Variants in ZBTB20 observed in about 807,000 individuals in gnomAD.
ZBTB20 encodes the protein zinc finger and BTB domain containing 20.
Under a neutral mutation model 56.9 loss-of-function variants are expected in ZBTB20, and 9 were observed. The ratio of observed to expected loss-of-function variants is 0.16; its 90% confidence interval spans 0.10 to 0.28. The LOEUF (loss-of-function observed/expected upper bound fraction) is 0.28. Ranked by LOEUF, ZBTB20 falls within the 10% of genes least tolerant of loss-of-function variation. The pLI is 1.00. For missense variants in ZBTB20, 655 were observed against 1,003.0 expected (o/e 0.65, Z 4.69); for synonymous variants, 417 against 420.7 (o/e 0.99, Z 0.11).
At chr3:115,132,978 T>C (rs1387511464) in intron 1 of ZBTB20, among the ~76,000 whole-genome samples, 2 of 152,200 alleles carry the variant, frequency 1.3e-5, no homozygotes, top group African/African-American at 4.8e-5. Context: ...TTTTCTAACA[T>C]TTTCCTTAGA....
chr3:114,889,567 T>G (rs958158480), intron 4 of ZBTB20, among the ~76,000 whole-genome samples: 1 of 152,066 alleles, frequency 6.6e-6, no homozygotes, highest in Non-Finnish European at 1.5e-5. Context: ...GTAGCTACAA[T>G]AATTTGCATT....
intron 6 of ZBTB20, among the ~76,000 whole-genome samples, chr3:114,653,355 T>A (rs1377691030): frequency 6.6e-6 from 1 of 151,948 alleles, no homozygotes; most frequent in African/African-American, 2.4e-5. Context: ...CTGTCAAATT[T>A]TTTCAATTGC....
chr3:114,967,818 G>C (rs766706738), intron 3 of ZBTB20, among the ~76,000 whole-genome samples: 1 of 151,934 alleles, frequency 6.6e-6, no homozygotes, highest in Non-Finnish European at 1.5e-5. Context: ...TTAGCCAGGC[G>C]TGGTGGCGGG....
At chr3:114,746,399 T>G (rs2067050453) in intron 5 of ZBTB20, among the ~76,000 whole-genome samples, 1 of 152,178 alleles carries the variant, frequency 6.6e-6, no homozygotes, top group South Asian at 2.1e-4. Flanking sequence ...TTTTAATTAT[T>G]TGAAGAGTCA....
chr3:114,725,819 G>A (rs1178596281), intron 5 of ZBTB20, among the ~76,000 whole-genome samples: 1 of 152,162 alleles, frequency 6.6e-6, no homozygotes, highest in Non-Finnish European at 1.5e-5. Context: ...ATCAACATGA[G>A]AAAAGTTTTT....
chr3:115,127,211 G>C (rs1256171609), intron 1 of ZBTB20, among the ~76,000 whole-genome samples: 1 of 152,108 alleles, frequency 6.6e-6, no homozygotes, highest in African/African-American at 2.4e-5. Context: ...GACTATTCAA[G>C]GCAACAATAA....
chr3:114,830,299 C>A (rs1234856781), intron 4 of ZBTB20, among the ~76,000 whole-genome samples: 2 of 151,916 alleles, frequency 1.3e-5, no homozygotes, highest in African/African-American at 4.8e-5. Flanking sequence ...CCACAGGATG[C>A]TTTTAAATCA....
chr3:114,985,607 G>A (rs1175195492), intron 2 of ZBTB20, among the ~76,000 whole-genome samples: 2 of 152,056 alleles, frequency 1.3e-5, no homozygotes, highest in African/African-American at 4.8e-5. Context: ...CTGAATGAAA[G>A]TAGTTACAAC....
chr3:114,463,137 T>C lies in ZBTB20; in HGVS notation c.-255+37215A>G, dbSNP rs111754417. Among the ~76,000 whole-genome samples the C allele has an allele frequency of 2.0e-3, 312 of 152,340 alleles. 3 individuals are homozygous for C. Among genetic ancestry groups the C allele is most frequent in the African/African-American group, 7.1e-3 (296 of 41,578 alleles). ...TCATAGATTTTTCATTTGTAAAATA[T>C]GAATAATATGTGCCTTACCAATCTT... On this transcript the variant is annotated intron_variant, in intron 7 of 11. Coordinates refer to ENST00000675478, the MANE Select transcript of ZBTB20 (RefSeq NM_001348800.3).
At chr3:114,813,566 C>T (rs1296540042) in intron 4 of ZBTB20, among the ~76,000 whole-genome samples, 1 of 152,090 alleles carries the variant, frequency 6.6e-6, no homozygotes, top group Non-Finnish European at 1.5e-5. Context: ...GCCTGGGCAA[C>T]ACAGAAAAAT....
intron 5 of ZBTB20, among the ~76,000 whole-genome samples, chr3:114,754,524 TATG>T (rs2067853325): frequency 6.6e-6 from 1 of 152,172 alleles, no homozygotes; most frequent in Non-Finnish European, 1.5e-5. Context: ...TATAATACCA[TATG>T]GAACCTTGAG....
At chr3:114,467,699 CA>C (rs2109215811) in intron 7 of ZBTB20, among the ~76,000 whole-genome samples, 1 of 152,082 alleles carries the variant, frequency 6.6e-6, no homozygotes, top group East Asian at 1.9e-4. Flanking sequence ...AACTCTGAAG[CA>C]AAACTATATC....
intron 7 of ZBTB20, among the ~76,000 whole-genome samples, chr3:114,400,461 C>T (rs1369625300): frequency 6.6e-6 from 1 of 152,008 alleles, no homozygotes; most frequent in African/African-American, 2.4e-5. Context: ...GAACTGACAG[C>T]CAGTCCACTT....
At chr3:114,724,554 G>A (rs1421941311) in intron 5 of ZBTB20, among the ~76,000 whole-genome samples, 3 of 152,140 alleles carry the variant, frequency 2.0e-5, no homozygotes, top group Non-Finnish European at 4.4e-5. Context: ...TACTAGTTGG[G>A]TGGCCTAGAT....
At chr3:114,415,057 C>G (rs1342933076) in intron 7 of ZBTB20, among the ~76,000 whole-genome samples, 2 of 151,718 alleles carry the variant, frequency 1.3e-5, no homozygotes, top group South Asian at 4.2e-4. Context: ...CAAATAGTGA[C>G]CAAATAGTGA....
At chr3:115,019,766 A>G (rs1313981898) in intron 2 of ZBTB20, among the ~76,000 whole-genome samples, 1 of 151,316 alleles carries the variant, frequency 6.6e-6, no homozygotes, top group Non-Finnish European at 1.5e-5. Flanking sequence ...TTCCTAAGTT[A>G]CAGACATCCA....
intron 6 of ZBTB20, among the ~76,000 whole-genome samples, chr3:114,689,217 A>ATGG (rs1197030142): frequency 6.6e-5 from 10 of 152,144 alleles, no homozygotes; most frequent in African/African-American, 2.4e-4. Flanking sequence ...ATCCTATAGC[A>ATGG]GTTGTGCATG....
intron 6 of ZBTB20, among the ~76,000 whole-genome samples, chr3:114,510,582 G>A (rs964435504): frequency 6.6e-6 from 1 of 151,822 alleles, no homozygotes; most frequent in African/African-American, 2.4e-5. Flanking sequence ...TTCCCCCTCA[G>A]TGAGGAAAGC....
chr3:114,879,600 T>C (rs1322331762), intron 4 of ZBTB20, among the ~76,000 whole-genome samples: 1 of 152,164 alleles, frequency 6.6e-6, no homozygotes, highest in Non-Finnish European at 1.5e-5. Flanking sequence ...AGTGCTATAG[T>C]GTCTGTTCTT....
Sources: allele counts gnomAD v4.1 joint callset (sites outside exome capture counted in the v4.1 genomes callset), GRCh38; gene constraint gnomAD v4.1.1; transcripts MANE v1.5; gene names NCBI Gene and HGNC (gene_info 2026-07-23, HGNC 2026-07-21).